TEC: variants seen among roughly 807,000 people sequenced by gnomAD.
TEC encodes the protein tec protein tyrosine kinase, also known as tyrosine-protein kinase Tec.
In TEC, 72 loss-of-function variants were observed where a neutral mutation model predicts 93.0. The observed-to-expected ratio is 0.77, with a 90% confidence interval of 0.64 to 0.94. The LOEUF (loss-of-function observed/expected upper bound fraction) is 0.94. Ranked by LOEUF, TEC falls within the 40% of genes least tolerant of loss-of-function variation. The pLI, the probability that TEC is intolerant of heterozygous loss-of-function variation, is 0.00. For synonymous variants in TEC, 249 were observed against 247.7 expected (o/e 1.01, Z -0.05); for missense variants, 630 against 757.9 (o/e 0.83, Z 1.98).
intron 1 of TEC, among the ~76,000 whole-genome samples, chr4:48,257,217 T>G (rs908909306): frequency 4.6e-5 from 7 of 152,230 alleles, no homozygotes; most frequent in Non-Finnish European, 8.8e-5. Flanking sequence ...ATTATTAAAA[T>G]TAATTTCACC....
chr4:48,253,830 C>A (rs1724271662), intron 1 of TEC, among the ~76,000 whole-genome samples: 1 of 151,964 alleles, frequency 6.6e-6, no homozygotes, highest in Non-Finnish European at 1.5e-5. Flanking sequence ...CTGCCTAGGC[C>A]CCCCCAAAGC....
chr4:48,211,657 C>T (rs1203039575), intron 2 of TEC, among the ~76,000 whole-genome samples: 8 of 152,064 alleles, frequency 5.3e-5, no homozygotes, highest in Non-Finnish European at 8.8e-5. Context: ...AGACAATGAA[C>T]GTGAATAAAT....
Position 48,150,856 on chromosome 4 carries a change from T to TA in TEC, c.872+6dup. 1 of 1,516,014 alleles carries TA rather than the reference T, an allele frequency of 6.6e-7. No individual in the cohort carries two copies. The highest frequency in any genetic ancestry group is 1.8e-4 in the Middle Eastern group (1 of 5,626). The allele number at this position is 1,516,014 out of a possible 1,614,324, so 93.9% of individuals were successfully genotyped here. On this transcript the variant is annotated splice_region_variant and intron_variant, in intron 10 of 17. Transcript: ENST00000381501. Reference sequence around the variant, plus strand: ...AAATTATAAAAAAAAATGGCAGGATTACTCACCCTCCAAACTTGGTATAAA... The same window carrying TA: ...AAATTATAAAAAAAAATGGCAGGATTAACTCACCCTCCAAACTTGGTATAAA...
chr4:48,266,217 T>C (rs975177006), intron 1 of TEC, among the ~76,000 whole-genome samples: 9 of 152,222 alleles, frequency 5.9e-5, no homozygotes, highest in Admixed American at 2.0e-4. Flanking sequence ...TCCTTTAGGA[T>C]GGGCTCTACC....
intron 2 of TEC, among the ~76,000 whole-genome samples, chr4:48,199,446 AT>A (rs949807880): frequency 2.1e-5 from 2 of 97,324 alleles, no homozygotes; most frequent in Non-Finnish European, 4.4e-5. Context: ...TACAGAAAGG[AT>A]TTTCTTTCTT....
chr4:48,170,875 AC>A (rs1721076108), intron 4 of TEC, among the ~76,000 whole-genome samples: 1 of 152,064 alleles, frequency 6.6e-6, no homozygotes, highest in Non-Finnish European at 1.5e-5. Flanking sequence ...ACATGGTGAA[AC>A]CCTGTCCCTA....
At chr4:48,199,776 G>A (rs1722438814) in intron 2 of TEC, among the ~76,000 whole-genome samples, 1 of 151,838 alleles carries the variant, frequency 6.6e-6, no homozygotes, top group Non-Finnish European at 1.5e-5. Context: ...CAAAAAGAAT[G>A]GATTTTTATA....
chr4:48,148,999 T>C (rs574611221), intron 11 of TEC, among the ~76,000 whole-genome samples: 1 of 152,290 alleles, frequency 6.6e-6, no homozygotes, highest in East Asian at 1.9e-4. Context: ...GCAAAGGACA[T>C]GATCTCATTC....
intron 9 of TEC, 79 bp from the exon 10 acceptor site, chr4:48,151,021 T>C (rs1720142001): frequency 2.2e-6 from 2 of 907,012 alleles, no homozygotes; most frequent in Non-Finnish European, 3.3e-6. Context: ...AAGAACCTAA[T>C]ATTATAATTT....
intron 1 of TEC, among the ~76,000 whole-genome samples, chr4:48,233,148 G>A (rs1000360231): frequency 6.6e-6 from 1 of 152,136 alleles, no homozygotes; most frequent in African/African-American, 2.4e-5. Flanking sequence ...CTGTACAAGT[G>A]TCCATATCAA....
rs1464042846 is a variant in TEC at position 48,150,875 on chromosome 4, G to GTA, written c.858_859dup (p.Thr287IlefsTer17). On this transcript the variant is annotated frameshift_variant, in exon 10 of 18. Coordinates refer to ENST00000381501, the MANE Select transcript of TEC (RefSeq NM_003215.3). LOFTEE classifies it high-confidence loss of function. ...CAGGATTACTCACCCTCCAAACTTG[G>GTA]TATAAAGGGAGACTGTGTACAAGCC... 6.4e-7 allele frequency: 1 copy of GTA among 1,555,608 alleles called. No homozygotes were observed. The highest frequency in any genetic ancestry group is 8.7e-7 in the Non-Finnish European group (1 of 1,153,468).
chr4:48,234,760 G>A (rs1339753023), intron 1 of TEC, among the ~76,000 whole-genome samples: 1 of 152,134 alleles, frequency 6.6e-6, no homozygotes. Context: ...GCTCCCGTGT[G>A]GGTGGGGGAG....
At chr4:48,236,483 C>T (rs1369113604) in intron 1 of TEC, among the ~76,000 whole-genome samples, 6 of 152,108 alleles carry the variant, frequency 3.9e-5, no homozygotes, top group African/African-American at 9.7e-5. Context: ...AGGGTTTCAC[C>T]GTGTTAGCCA....
chr4:48,215,478 G>A (rs1723048302), intron 2 of TEC, among the ~76,000 whole-genome samples: 1 of 152,230 alleles, frequency 6.6e-6, no homozygotes, highest in Non-Finnish European at 1.5e-5. Context: ...CTGTACTCCA[G>A]TCTGGGCAAT....
At chr4:48,140,176 T>G (rs943751632) in intron 15 of TEC, among the ~76,000 whole-genome samples, 1 of 152,216 alleles carries the variant, frequency 6.6e-6, no homozygotes, top group Non-Finnish European at 1.5e-5. Context: ...GGGCCTGAGT[T>G]TCCTTAGGAG....
intron 8 of TEC, among the ~76,000 whole-genome samples, chr4:48,163,429 T>C (rs946097347): frequency 3.9e-5 from 6 of 152,240 alleles, no homozygotes; most frequent in African/African-American, 1.2e-4. Context: ...CAAAGTCAGC[T>C]AATCTGTGAT....
At chr4:48,154,598 T>A (rs1274597466) in intron 9 of TEC, among the ~76,000 whole-genome samples, 1 of 151,998 alleles carries the variant, frequency 6.6e-6, no homozygotes, top group Non-Finnish European at 1.5e-5. Context: ...GAAAAAGTAA[T>A]TTTTTCTAGT....
chr4:48,268,390 AC>A (rs1387799437), intron 1 of TEC, among the ~76,000 whole-genome samples: 1 of 152,216 alleles, frequency 6.6e-6, no homozygotes, highest in Non-Finnish European at 1.5e-5. Context: ...ACATAAACAC[AC>A]CACAGTAAGC....
At chr4:48,151,490 C>T (rs1015704689) in intron 9 of TEC, among the ~76,000 whole-genome samples, 3 of 152,058 alleles carry the variant, frequency 2.0e-5, no homozygotes, top group Non-Finnish European at 2.9e-5. Context: ...TCAGTCATAT[C>T]GGTCTTTTTT....
Sources: gnomAD v4.1 joint callset for allele counts (sites outside exome capture counted in the v4.1 genomes callset) on GRCh38, gnomAD v4.1.1 for gene constraint, MANE v1.5 for transcripts, NCBI Gene and HGNC (gene_info 2026-07-23, HGNC 2026-07-21) for gene names.